The following MAML3 variants were observed in gnomAD, a reference collection of about 807,000 sequenced individuals.
The protein encoded by MAML3 is mastermind-like protein 3.
MAML3 carries 27 observed loss-of-function variants against 101.9 expected under a neutral mutation model. The ratio of observed to expected loss-of-function variants is 0.27; its 90% CI spans 0.20 to 0.37. The LOEUF is 0.37. Among genes scored for constraint, MAML3 ranks in the 10% least tolerant of loss-of-function variants. The pLI is 1.00. For synonymous variants in MAML3, 501 were observed against 555.9 expected, an observed-to-expected ratio of 0.90 and a Z score of 1.39; for missense variants, 1,316 against 1,444.9, an observed-to-expected ratio of 0.91 and a Z score of 1.45.
intron 1 of MAML3, among the ~76,000 whole-genome samples, chr4:139,925,363 G>A (rs1034181985): frequency 3.9e-5 from 6 of 152,168 alleles, no homozygotes; most frequent in Non-Finnish European, 7.3e-5. Context: ...CTGAGTAGCT[G>A]AGATTACAGG....
intron 2 of MAML3, among the ~76,000 whole-genome samples, chr4:139,883,432 T>C (rs1257959329): frequency 6.6e-6 from 1 of 152,172 alleles, no homozygotes; most frequent in African/African-American, 2.4e-5. Flanking sequence ...GTATACTACA[T>C]GGCTAAACTG....
chr4:140,096,154 G>A (rs1053933758), intron 1 of MAML3, among the ~76,000 whole-genome samples: 1 of 152,204 alleles, frequency 6.6e-6, no homozygotes, highest in African/African-American at 2.4e-5. Context: ...CAGACTCCTA[G>A]ACACCAACGG....
At chr4:140,135,276 G>A (rs1056939635) in intron 1 of MAML3, among the ~76,000 whole-genome samples, 2 of 152,170 alleles carry the variant, frequency 1.3e-5, no homozygotes, top group African/African-American at 4.8e-5. Flanking sequence ...AGCAACCCTG[G>A]CTCTAGACAC....
chr4:139,970,310 C>CA (rs1183720791), intron 1 of MAML3, among the ~76,000 whole-genome samples: 1 of 152,124 alleles, frequency 6.6e-6, no homozygotes, highest in African/African-American at 2.4e-5. Context: ...CAAGAAAACA[C>CA]AAGCAAAAGC....
chr4:140,016,871 G>C (rs1182079860), intron 1 of MAML3, among the ~76,000 whole-genome samples: 2 of 152,096 alleles, frequency 1.3e-5, no homozygotes, highest in East Asian at 1.9e-4. Flanking sequence ...AGGAAAAAAA[G>C]TAAGAGAAAA....
At chr4:139,931,123 G>A (rs1407079343) in intron 1 of MAML3, among the ~76,000 whole-genome samples, 3 of 152,078 alleles carry the variant, frequency 2.0e-5, no homozygotes, top group African/African-American at 4.8e-5. Flanking sequence ...TACAATTTGT[G>A]AGCCCAGTGT....
chr4:139,935,227 T>C (rs1733481748), intron 1 of MAML3, among the ~76,000 whole-genome samples: 1 of 151,788 alleles, frequency 6.6e-6, no homozygotes, highest in African/African-American at 2.4e-5. Flanking sequence ...TTTTTTTTTT[T>C]TTCGGACTGA....
intron 1 of MAML3, among the ~76,000 whole-genome samples, chr4:140,008,405 AC>A (rs1045817334): frequency 3.3e-5 from 5 of 152,166 alleles, no homozygotes; most frequent in Non-Finnish European, 5.9e-5. Context: ...CAGGTTTCTG[AC>A]CTTTTAGAAT....
At chr4:140,136,976 AT>A (rs1341075410) in intron 1 of MAML3, among the ~76,000 whole-genome samples, 9 of 152,174 alleles carry the variant, frequency 5.9e-5, no homozygotes, top group African/African-American at 2.2e-4. Context: ...TATTTTGAAA[AT>A]TTTAAAGGAG....
intron 1 of MAML3, among the ~76,000 whole-genome samples, chr4:140,040,770 G>A (rs566703563): frequency 4.6e-5 from 7 of 152,238 alleles, no homozygotes; most frequent in East Asian, 1.9e-4. Context: ...ACTCTTTGCC[G>A]ATTTAAATAG....
intron 1 of MAML3, among the ~76,000 whole-genome samples, chr4:139,921,203 CT>C (rs1733124444): frequency 6.6e-6 from 1 of 152,184 alleles, no homozygotes. Context: ...TCTACTGCCC[CT>C]GACACGAACT....
At chr4:139,949,901 T>C (rs1281115585) in intron 1 of MAML3, among the ~76,000 whole-genome samples, 2 of 152,218 alleles carry the variant, frequency 1.3e-5, no homozygotes, top group African/African-American at 4.8e-5. Flanking sequence ...CTCTCTATAA[T>C]GTAGGTGGGC....
chr4:139,878,913 A>C (rs779635802), intron 2 of MAML3, among the ~76,000 whole-genome samples: 8 of 152,174 alleles, frequency 5.3e-5, no homozygotes, highest in Middle Eastern at 3.4e-3. Flanking sequence ...TATAGATCTT[A>C]AGGAAAGCAG....
chr4:140,032,341 C>T (rs1879617), intron 1 of MAML3, among the ~76,000 whole-genome samples: 3,270 of 152,254 alleles, frequency 0.021, 111 homozygotes, highest in African/African-American at 0.072. Flanking sequence ...ATCTTTGTAG[C>T]GGATGACCTG....
intron 2 of MAML3, among the ~76,000 whole-genome samples, chr4:139,882,130 C>A (rs1732230805): frequency 6.6e-6 from 1 of 151,860 alleles, no homozygotes; most frequent in Non-Finnish European, 1.5e-5. Context: ...TGAAGGAAAT[C>A]TCAGAGCATA....
chr4:140,005,449 C>T (rs1244396272), intron 1 of MAML3, among the ~76,000 whole-genome samples: 2 of 152,184 alleles, frequency 1.3e-5, no homozygotes, highest in East Asian at 3.8e-4. Context: ...TGTTTAAAAC[C>T]ACTATCTGTT....
At chr4:139,871,225 T>C (rs1732001530) in intron 2 of MAML3, among the ~76,000 whole-genome samples, 1 of 152,216 alleles carries the variant, frequency 6.6e-6, no homozygotes, top group African/African-American at 2.4e-5. Flanking sequence ...ACCACCTAGA[T>C]AAGCCCCAAA....
chr4:139,847,641 G>A (rs1731473210), intron 2 of MAML3, among the ~76,000 whole-genome samples: 1 of 152,200 alleles, frequency 6.6e-6, no homozygotes, highest in South Asian at 2.1e-4. Flanking sequence ...AAGTACAGGA[G>A]GTAAAATCTT....
intron 1 of MAML3, among the ~76,000 whole-genome samples, chr4:140,001,509 C>T (rs138186800): frequency 7.9e-4 from 121 of 152,216 alleles, no homozygotes; most frequent in Non-Finnish European, 1.1e-3. Context: ...TTTAAGACAC[C>T]GAGCTGGCCC....
Sources: gnomAD v4.1 joint callset for allele counts (sites outside exome capture counted in the v4.1 genomes callset) on GRCh38, gnomAD v4.1.1 for gene constraint, MANE v1.5 for transcripts, NCBI Gene and HGNC (gene_info 2026-07-23, HGNC 2026-07-21) for gene names.